The following PTPN9 variants were observed in gnomAD, a reference collection of about 807,000 sequenced individuals.
PTPN9 encodes protein tyrosine phosphatase non-receptor type 9.
A neutral mutation model predicts 69.8 loss-of-function variants in PTPN9; 26 were observed. That is an observed-to-expected ratio of 0.37 (90% CI 0.27 to 0.52). PTPN9 has a LOEUF of 0.52. Among genes scored for constraint, PTPN9 ranks in the 20% least tolerant of loss-of-function variants. The probability of loss-of-function intolerance (pLI) is 0.91; values close to 1 mark genes in which losing one functional copy is unlikely to be tolerated. For synonymous variants in PTPN9, 274 were observed against 272.5 expected (o/e 1.01, Z -0.05); for missense variants, 549 against 740.3 (o/e 0.74, Z 3.00).
intron 7 of PTPN9, among the ~76,000 whole-genome samples, chr15:75,504,787 C>T (rs1394194000): frequency 1.4e-4 from 19 of 133,984 alleles, no homozygotes; most frequent in Admixed American, 4.3e-4. Flanking sequence ...CCGCCCCGTC[C>T]GGGAGGGAGG....
chr15:75,477,377 T>A (rs1389735486), intron 9 of PTPN9, among the ~76,000 whole-genome samples: 1 of 152,140 alleles, frequency 6.6e-6, no homozygotes. Flanking sequence ...GGCAGATCAC[T>A]TCAGGCCGGG....
intron 7 of PTPN9, among the ~76,000 whole-genome samples, chr15:75,493,561 G>GACC: frequency 6.6e-6 from 1 of 152,152 alleles, no homozygotes; most frequent in Middle Eastern, 3.4e-3. Context: ...AGAAGTTTAA[G>GACC]ACCAGCCTGG....
intron 9 of PTPN9, among the ~76,000 whole-genome samples, chr15:75,476,477 G>T (rs2141289400): frequency 6.6e-6 from 1 of 152,224 alleles, no homozygotes; most frequent in South Asian, 2.1e-4. Flanking sequence ...ACTACGCTCG[G>T]CTACTTTTTG....
At chr15:75,544,199 C>T (rs2075021333) in intron 1 of PTPN9, among the ~76,000 whole-genome samples, 1 of 152,128 alleles carries the variant, frequency 6.6e-6, no homozygotes, top group Non-Finnish European at 1.5e-5. Context: ...CAGAATATAA[C>T]ACAGAAGAGA....
intron 1 of PTPN9, among the ~76,000 whole-genome samples, chr15:75,536,459 ACT>A (rs548318128): frequency 6.6e-6 from 1 of 152,210 alleles, no homozygotes; most frequent in African/African-American, 2.4e-5. Context: ...TGGGATTCAA[ACT>A]CTCTCTATGG....
chr15:75,570,105 C>T (rs2075142734), intron 1 of PTPN9: 2 of 152,074 alleles, frequency 1.3e-5, no homozygotes, highest in Admixed American at 6.6e-5. Flanking sequence ...AGGCATGAGC[C>T]ACACCACACC....
chr15:75,510,105 C>T (rs554590316), intron 5 of PTPN9, among the ~76,000 whole-genome samples: 28 of 152,048 alleles, frequency 1.8e-4, no homozygotes, highest in Non-Finnish European at 3.2e-4. Context: ...TATGTATTTA[C>T]CAATCAATAA....
chr15:75,543,419 C>T (rs1383598013), intron 1 of PTPN9, among the ~76,000 whole-genome samples: 1 of 152,194 alleles, frequency 6.6e-6, no homozygotes, highest in African/African-American at 2.4e-5. Flanking sequence ...TCCAAGGTTA[C>T]TCAACCAATA....
chr15:75,531,579 T>C (rs2074964268), intron 1 of PTPN9, among the ~76,000 whole-genome samples: 4 of 151,950 alleles, frequency 2.6e-5, no homozygotes, highest in Admixed American at 2.0e-4. Flanking sequence ...TTTTTGTTTT[T>C]TCTGCTTTTT....
chr15:75,543,074 C>T (rs1448077642), intron 1 of PTPN9, among the ~76,000 whole-genome samples: 2 of 146,018 alleles, frequency 1.4e-5, no homozygotes, highest in Non-Finnish European at 3.0e-5. Flanking sequence ...TGTTCAATTC[C>T]CACCTATGAG....
chr15:75,510,314 CCACT>C (rs1268101200), intron 5 of PTPN9, among the ~76,000 whole-genome samples: 1 of 152,104 alleles, frequency 6.6e-6, no homozygotes, highest in Non-Finnish European at 1.5e-5. Context: ...GGCACAATCG[CCACT>C]CACTGAGTCC....
At chr15:75,474,550 C>T (rs986783736) in intron 9 of PTPN9, among the ~76,000 whole-genome samples, 1 of 152,008 alleles carries the variant, frequency 6.6e-6, no homozygotes, top group Admixed American at 6.6e-5. Context: ...TATCTTGCAA[C>T]TTTCTTATCT....
intron 9 of PTPN9, 38 bp downstream of exon 9, chr15:75,479,810 T>A (rs1161567729): frequency 6.6e-7 from 1 of 1,515,042 alleles, no homozygotes; most frequent in East Asian, 2.3e-5. Flanking sequence ...CATAAGTAGA[T>A]GGCACAAAAT....
chr15:75,490,648 G>A (rs1050014187), intron 7 of PTPN9, among the ~76,000 whole-genome samples: 3 of 151,528 alleles, frequency 2.0e-5, no homozygotes, highest in South Asian at 2.1e-4. Flanking sequence ...TTTTTGAGAC[G>A]GAGTCTCGCT....
chr15:75,544,359 C>A (rs555716905), intron 1 of PTPN9, among the ~76,000 whole-genome samples: 1 of 152,212 alleles, frequency 6.6e-6, no homozygotes, highest in East Asian at 1.9e-4. Context: ...ACAGGGTTAT[C>A]CAATCTCCAC....
chr15:75,491,410 A>T (rs1218634081), intron 7 of PTPN9, among the ~76,000 whole-genome samples: 2 of 151,760 alleles, frequency 1.3e-5, no homozygotes, highest in Non-Finnish European at 2.9e-5. Flanking sequence ...CTCAAAAAAA[A>T]AAAAAAATAA....
chr15:75,514,658 G>A (rs1046597181), intron 5 of PTPN9, among the ~76,000 whole-genome samples: 3 of 152,130 alleles, frequency 2.0e-5, no homozygotes, highest in African/African-American at 7.2e-5. Context: ...AGTTTACTGT[G>A]CGCACACATT....
chr15:75,516,305 T>TC (rs1465941440), intron 5 of PTPN9, among the ~76,000 whole-genome samples: 1 of 145,948 alleles, frequency 6.9e-6, no homozygotes, highest in African/African-American at 2.5e-5. Context: ...TGTTTCTTCT[T>TC]TTTTTTTTTT....
intron 5 of PTPN9, among the ~76,000 whole-genome samples, chr15:75,512,105 A>G (rs183202664): frequency 1.7e-3 from 258 of 152,236 alleles, no homozygotes; most frequent in Admixed American, 2.2e-3. Context: ...TTGGCCTTTC[A>G]AAGTGCTGGG....
Sources: allele counts gnomAD v4.1 joint callset (sites outside exome capture counted in the v4.1 genomes callset), GRCh38; gene constraint gnomAD v4.1.1; transcripts MANE v1.5; gene names NCBI Gene and HGNC (gene_info 2026-07-23, HGNC 2026-07-21).